The following MICALL2 variants were observed in gnomAD, a reference collection of about 807,000 sequenced individuals.
MICALL2 encodes MICAL like 2, also known as MICAL-like protein 2.
Under a neutral mutation model 91.1 loss-of-function variants are expected in MICALL2, and 111 were observed. The ratio of observed to expected loss-of-function variants is 1.22; its 90% CI spans 1.04 to 1.43. The LOEUF (loss-of-function observed/expected upper bound fraction) is 1.43, where lower values mean the gene tolerates loss of function less well. Ranked by LOEUF, MICALL2 falls within the 40% of genes most tolerant of loss-of-function variation. MICALL2 has a pLI of 0.00. For synonymous variants in MICALL2, 694 were observed against 525.3 expected (o/e 1.32, Z -4.39); for missense variants, 1,556 against 1,236.0 (o/e 1.26, Z -3.88).
intron 14 of MICALL2, chr7:1,437,291 G>A: frequency 5.5e-6 from 3 of 544,746 alleles, no homozygotes; most frequent in Admixed American, 3.7e-5. Flanking sequence ...GCTGCGTGAG[G>A]TGGGTGCTAC....
intron 1 of MICALL2, among the ~76,000 whole-genome samples, chr7:1,456,931 G>A (rs1035960501): frequency 2.3e-4 from 35 of 152,168 alleles, no homozygotes; most frequent in African/African-American, 8.2e-4. Flanking sequence ...TCTTCCTACT[G>A]CCGTAACAAA....
intron 3 of MICALL2, 97 bp downstream of exon 3, chr7:1,448,523 G>T (rs1462296441): frequency 1.7e-6 from 2 of 1,150,502 alleles, no homozygotes; most frequent in Admixed American, 1.8e-5. Context: ...TGGGGGGGGG[G>T]CTGGGCATGG....
At chr7:1,450,156 G>GGGGA in intron 2 of MICALL2, 84 bp downstream of exon 2, 1 of 1,061,920 alleles carries the variant, frequency 9.4e-7, no homozygotes, top group Non-Finnish European at 1.5e-6. Context: ...CAGGGCCTGG[G>GGGGA]GGGAGTCCCT....
In MICALL2 at chr7:1,440,824, C is replaced by T. The variant is rs1306645328; in HGVS notation, c.1712-140G>A. The T allele has an allele frequency of 3.1e-5, 21 of 678,432 alleles. No individual in the cohort carries two copies. In the East Asian group the frequency reaches 5.3e-4, roughly 17 times the overall value. 42.0% of individuals were successfully genotyped at this position (678,432 alleles called of 1,614,324 possible). On this transcript the variant is annotated intron_variant, in intron 7 of 16. Transcript: ENST00000297508. ...CCCCCACAGCCAGCCGGCCGGGGGG[C>T]ATCAGGAGCACCGGGCAGGGAGTCA...
chr7:1,440,814 G>A (rs755617682), intron 7 of MICALL2, 130 bp from the exon 8 acceptor site: 449 of 732,370 alleles, frequency 6.1e-4, no homozygotes, highest in Non-Finnish European at 8.0e-4. Context: ...ACAGCCAGCC[G>A]GCCGGGGGGC....
chr7:1,446,733 A>T lies in MICALL2; in HGVS notation c.621T>A (p.Leu207=). ...LVQRHLADGR[L]YHRSCFRCKQ... is the part of the protein sequence containing the mutation. The stretch of plus-strand genomic sequence containing the variant: ...CCCACCTGAAGCAGCTCCGGTGGTA[A>T]AGCCTCCCGTCGGCCAGGTGCCGCT... Residue 207 remains leucine, a synonymous_variant, in exon 5 of 17, where the codon CTT becomes CTA. Transcript: ENST00000297508. 6.2e-7 allele frequency: 1 copy of T among 1,604,338 alleles called. No homozygotes were observed. The highest frequency in any genetic ancestry group is 8.5e-7 in the Non-Finnish European group (1 of 1,176,724).
Position 1,438,221 on chromosome 7 carries a change from C to G in MICALL2, c.2188-1G>C. On this transcript the variant is annotated splice_acceptor_variant, in intron 11 of 16. Transcript: ENST00000297508. LOFTEE classifies it high-confidence loss of function. ...CCGGGGAGAGGTAGTCGGGGTGCAG[C>G]TGGGAACGGAGGGGCGGTGAGGATG... 1 of 1,588,188 alleles carries G rather than the reference C, an allele frequency of 6.3e-7. No homozygotes were observed. The highest frequency in any genetic ancestry group is 8.6e-7 in the Non-Finnish European group (1 of 1,167,490).
Position 1,437,531 on chromosome 7 carries a change from G to A in MICALL2, c.2476+4C>T, listed in dbSNP as rs543451700. 1.1e-4 allele frequency: 164 copies of A among 1,518,096 alleles called. No individual in the cohort carries two copies. Among genetic ancestry groups the A allele is most frequent in the Middle Eastern group, 8.6e-4 (4 of 4,646 alleles). 94.0% of individuals were successfully genotyped at this position (1,518,096 alleles called of 1,614,324 possible). On this transcript the variant is annotated splice_donor_region_variant and intron_variant, in intron 14 of 16. Transcript: ENST00000297508. ...GCCCCTTGGCTGGCGCGCGGGGGAC[G>A]CACCGGGCTTGGCCATGAGCCGGCG...
At chr7:1,439,097 T>C (rs1036020848) in intron 9 of MICALL2, 102 bp from the exon 10 acceptor site, 5 of 947,816 alleles carry the variant, frequency 5.3e-6, no homozygotes, top group Middle Eastern at 3.3e-4. Context: ...AGCCCGGCCA[T>C]CCCCATGCCC....
intron 1 of MICALL2, among the ~76,000 whole-genome samples, chr7:1,454,877 C>T (rs1780958553): frequency 6.6e-6 from 1 of 152,192 alleles, no homozygotes; most frequent in African/African-American, 2.4e-5. Flanking sequence ...ATGCACTGCA[C>T]AGCGGCCGCC....
At chr7:1,435,175 G>A (rs746563879) in intron 15 of MICALL2, 28 bp from the exon 16 acceptor site, 31 of 1,612,620 alleles carry the variant, frequency 1.9e-5, no homozygotes, top group Admixed American at 3.3e-5. Flanking sequence ...GGCCATGAGC[G>A]ACAATGGCAA....
Position 1,436,922 on chromosome 7 carries a change from T to C in MICALL2, c.2477-66A>G, listed in dbSNP as rs544001274. Reference sequence around the variant, plus strand: ...GCCATGCCCCTCACAGGACACAATGTCCCCACCACCCAAGCGCCAGGCTCC... The same window carrying C: ...GCCATGCCCCTCACAGGACACAATGCCCCCACCACCCAAGCGCCAGGCTCC... On this transcript the variant is annotated intron_variant, in intron 14 of 16. Transcript: ENST00000297508. 1.6e-5 allele frequency: 19 copies of C among 1,201,204 alleles called. No homozygotes were observed. In the East Asian group the frequency reaches 4.9e-4, roughly 31 times the overall value. The allele number at this position is 1,201,204 out of a possible 1,614,324, so 74.4% of individuals were successfully genotyped here. A position where few individuals can be genotyped will look rare whatever the true frequency, so the allele number is the denominator to read the frequency against.
rs116599944 is a variant in MICALL2 at position 1,446,745 on chromosome 7, G to C, written c.609C>G (p.Ala203=). ...AGCTCCGGTGGTAAAGCCTCCCGTC[G>C]GCCAGGTGCCGCTGTACCAGGTGCA... is the stretch of plus-strand genomic sequence containing the variant. The part of the protein sequence containing the change: ...KHVHLVQRHL[A]DGRLYHRSCF... Residue 203 remains alanine, a synonymous_variant, in exon 5 of 17, where the codon GCC becomes GCG. Transcript: ENST00000297508. The C allele has an allele frequency of 2.5e-6, 4 of 1,606,692 alleles. No individual in the cohort carries two copies. The highest frequency in any genetic ancestry group is 2.7e-5 in the African/African-American group (2 of 74,630).
At chr7:1,439,188 G>A (rs1780137862) in intron 9 of MICALL2, 193 bp from the exon 10 acceptor site, 3 of 563,352 alleles carry the variant, frequency 5.3e-6, no homozygotes, top group South Asian at 2.3e-5. Flanking sequence ...CTCCCCAGGG[G>A]GCTAACCCAC....
chr7:1,437,752 C>A, intron 13 of MICALL2, 138 bp downstream of exon 13: 3 of 1,226,670 alleles, frequency 2.4e-6, no homozygotes, highest in Non-Finnish European at 3.5e-6. Context: ...CTGGCCCACC[C>A]AGACCGCAAC....
chr7:1,440,178 A>C (rs1780211048), intron 8 of MICALL2, 93 bp from the exon 9 acceptor site: 1 of 1,480,732 alleles, frequency 6.8e-7, no homozygotes, highest in East Asian at 2.4e-5. Flanking sequence ...GACCAGCCGG[A>C]GGGAGCAGGT....
At chr7:1,439,738 C>T in intron 9 of MICALL2, 187 bp downstream of exon 9, 1 of 459,506 alleles carries the variant, frequency 2.2e-6, no homozygotes, top group Non-Finnish European at 3.7e-6. Flanking sequence ...AACACATGCA[C>T]ACATGCATCA....
intron 8 of MICALL2, chr7:1,440,376 G>A (rs1275915758): frequency 3.2e-6 from 2 of 630,340 alleles, no homozygotes; most frequent in Non-Finnish European, 5.6e-6. Context: ...AACCCACACG[G>A]GTGCTGCCAT....
chr7:1,445,429 C>A lies in MICALL2; in HGVS notation c.642-1G>T. 1 of 1,528,628 alleles carries A rather than the reference C, an allele frequency of 6.5e-7. No homozygotes were observed. The highest frequency in any genetic ancestry group is 8.8e-7 in the Non-Finnish European group (1 of 1,142,558). The allele number at this position is 1,528,628 out of a possible 1,614,324, so 94.7% of individuals were successfully genotyped here. A position where few individuals can be genotyped will look rare whatever the true frequency, so the allele number is the denominator to read the frequency against. On this transcript the variant is annotated splice_acceptor_variant, in intron 5 of 16. Coordinates refer to ENST00000297508, the MANE Select transcript of MICALL2 (RefSeq NM_182924.4). LOFTEE classifies it high-confidence loss of function. ...CAGCGTGCAGGAGCACTGCTTACAC[C>A]TGGGGGAGGAAAGGCACAGGAGCCC... is the stretch of plus-strand genomic sequence containing the variant.
Sources: allele counts gnomAD v4.1 joint callset (sites outside exome capture counted in the v4.1 genomes callset), GRCh38; gene constraint gnomAD v4.1.1; transcripts MANE v1.5; gene names NCBI Gene and HGNC (gene_info 2026-07-23, HGNC 2026-07-21).